Variants in ZNF624 observed in about 807,000 individuals in gnomAD.
The protein encoded by ZNF624 is zinc finger protein 624.
ZNF624 carries 43 observed loss-of-function variants against 74.7 expected under a neutral mutation model. The observed-to-expected ratio is 0.58, with a 90% CI of 0.45 to 0.74. ZNF624 has a LOEUF of 0.74. Ranked by LOEUF, ZNF624 falls within the 30% of genes least tolerant of loss-of-function variation. The pLI is 0.00. For synonymous variants in ZNF624, 331 were observed against 341.3 expected (o/e 0.97, Z 0.33); for missense variants, 820 against 1,030.0 (o/e 0.80, Z 2.79).
At chr17:16,631,511 AG>A (rs1370785736) in intron 5 of ZNF624, 1 of 152,216 alleles carries the variant, frequency 6.6e-6, no homozygotes, top group Admixed American at 6.5e-5. Flanking sequence ...GGATAGCTTG[AG>A]CCCAGGAGTT....
In ZNF624 at chr17:16,623,306, G is replaced by A. The variant is rs754159435; in HGVS notation, c.1580C>T (p.Pro527Leu). The A allele has an allele frequency of 1.2e-6, 2 of 1,613,836 alleles. No homozygotes were observed. The highest frequency in any genetic ancestry group is 2.2e-5 in the South Asian group (2 of 91,068). Residue 527 changes from proline to leucine, a missense_variant, in exon 6 of 6, where the codon CCC becomes CTC. Transcript: ENST00000311331. The surrounding 1 kb of genome is among the most constrained non-coding windows in gnomAD (Gnocchi z 5.3). ...EHQRIHTGEK[P>L]YKCNECGKAF... ...TTTCCCACATTCATTACATTTATAG[G>A]GTTTTTCTCCTGTGTGAATTCGCTG...
intron 3 of ZNF624, among the ~76,000 whole-genome samples, chr17:16,636,136 A>G (rs1430706070): frequency 1.3e-4 from 20 of 152,240 alleles, no homozygotes; most frequent in Non-Finnish European, 2.8e-4. Context: ...AGCATCAATA[A>G]GGATAATAAC....
chr17:16,628,923 GCA>G (rs1353756337), intron 5 of ZNF624, among the ~76,000 whole-genome samples: 2 of 152,096 alleles, frequency 1.3e-5, no homozygotes, highest in Non-Finnish European at 2.9e-5. Flanking sequence ...ACAGGGAAGG[GCA>G]CAGTGGCTCA....
intron 3 of ZNF624, among the ~76,000 whole-genome samples, chr17:16,642,040 A>C (rs772844524): frequency 6.6e-6 from 1 of 152,244 alleles, no homozygotes; most frequent in Non-Finnish European, 1.5e-5. Flanking sequence ...TCGATGTTCA[A>C]GTATGGAAGA....
chr17:16,646,898 A>G (rs936580332), intron 3 of ZNF624, among the ~76,000 whole-genome samples: 3 of 152,200 alleles, frequency 2.0e-5, no homozygotes, highest in Non-Finnish European at 4.4e-5. Context: ...AATTTTTCTT[A>G]TCACAACAAA....
At chr17:16,617,556 T>A (rs1219379535), downstream of ZNF624, 1 of 1,570,872 alleles carries the variant, frequency 6.4e-7, no homozygotes, top group African/African-American at 1.4e-5. Flanking sequence ...TAAGCCTGTA[T>A]TCTGTACGAA....
intron 5 of ZNF624, among the ~76,000 whole-genome samples, chr17:16,631,963 C>T (rs1438091700): frequency 6.6e-6 from 1 of 152,106 alleles, no homozygotes; most frequent in African/African-American, 2.4e-5. Context: ...ATGAACAGTC[C>T]TAAGTACTAA....
intron 5 of ZNF624, among the ~76,000 whole-genome samples, chr17:16,628,747 A>G (rs2142585799): frequency 1.3e-5 from 2 of 152,242 alleles, no homozygotes; most frequent in East Asian, 3.9e-4. Context: ...AGTCAAAGAA[A>G]TAATGTCTTA....
intron 1 of ZNF624, among the ~76,000 whole-genome samples, chr17:16,652,974 G>C (rs1909762980): frequency 6.6e-6 from 1 of 152,182 alleles, no homozygotes; most frequent in Admixed American, 6.5e-5. Flanking sequence ...CTATTCCCCA[G>C]TTATAATTTC....
intron 4 of ZNF624, among the ~76,000 whole-genome samples, 190 bp downstream of exon 4, chr17:16,634,440 A>G (rs924447200): frequency 6.6e-6 from 1 of 152,238 alleles, no homozygotes; most frequent in Non-Finnish European, 1.5e-5. Context: ...ACAATCTCCA[A>G]GATTCCAGTG....
intron 2 of ZNF624, among the ~76,000 whole-genome samples, chr17:16,648,442 AATG>A (rs1395762761): frequency 5.9e-5 from 9 of 152,382 alleles, no homozygotes; most frequent in Admixed American, 1.3e-4. Flanking sequence ...CCAGAAAATT[AATG>A]ATGATGTGAA....
chr17:16,644,871 A>G (rs1176307141), intron 3 of ZNF624, among the ~76,000 whole-genome samples: 1 of 152,240 alleles, frequency 6.6e-6, no homozygotes, highest in South Asian at 2.1e-4. Flanking sequence ...AGACTGTCAG[A>G]AATTGTGTAG....
chr17:16,618,883 C>T (rs1044659837), downstream of ZNF624, among the ~76,000 whole-genome samples: 8 of 152,106 alleles, frequency 5.3e-5, no homozygotes, highest in African/African-American at 1.9e-4. Context: ...GGTAAGGCTC[C>T]TAGTCAAACG....
At chr17:16,619,816 G>A (rs546850004), downstream of ZNF624, among the ~76,000 whole-genome samples, 2 of 152,350 alleles carry the variant, frequency 1.3e-5, no homozygotes, top group African/African-American at 4.8e-5. Flanking sequence ...AGGAATGGGA[G>A]GGAGGGTTTA....
At chr17:16,634,077 A>G in intron 4 of ZNF624, 120 bp from the exon 5 acceptor site, 1 of 597,282 alleles carries the variant, frequency 1.7e-6, no homozygotes, top group South Asian at 3.0e-5. Context: ...CTAGAGCTGC[A>G]CTGTCTGATA....
the ZNF624 span, among the ~76,000 whole-genome samples, chr17:16,614,475 G>C: frequency 6.6e-6 from 1 of 152,094 alleles, no homozygotes; most frequent in Non-Finnish European, 1.5e-5. Context: ...TTACCAAAAT[G>C]TACACAAGAG....
At chr17:16,616,662 G>A (rs780924192), downstream of ZNF624, among the ~76,000 whole-genome samples, 1 of 152,186 alleles carries the variant, frequency 6.6e-6, no homozygotes, top group Non-Finnish European at 1.5e-5. Flanking sequence ...AAGGGAGAGG[G>A]TCTTCATGCC....
intron 3 of ZNF624, among the ~76,000 whole-genome samples, chr17:16,635,102 C>A (rs1909296775): frequency 6.6e-6 from 1 of 152,154 alleles, no homozygotes; most frequent in Admixed American, 6.5e-5. Flanking sequence ...TTGATAACAG[C>A]CAGCAGTTTC....
chr17:16,649,419 A>G (rs563964436), intron 2 of ZNF624, among the ~76,000 whole-genome samples: 1 of 152,244 alleles, frequency 6.6e-6, no homozygotes, highest in South Asian at 2.1e-4. Flanking sequence ...GATGCCTGTC[A>G]TAACTAACGA....
Sources: allele counts gnomAD v4.1 joint callset (sites outside exome capture counted in the v4.1 genomes callset), GRCh38; gene constraint gnomAD v4.1.1; non-coding constraint Gnocchi (gnomAD v3.1); transcripts MANE v1.5; gene names NCBI Gene and HGNC (gene_info 2026-07-23, HGNC 2026-07-21).